Variants in AFG2A observed in about 807,000 individuals in gnomAD.
AFG2A encodes the protein ATPase family gene 2 protein homolog A.
At chr4:123,086,466 T>C in the AFG2A span, among the ~76,000 whole-genome samples, 1 of 152,192 alleles carries the variant, frequency 6.6e-6, no homozygotes. Flanking sequence ...TAAAAATCTT[T>C]GATTTTCTGC....
chr4:123,006,865 G>A, the AFG2A span, among the ~76,000 whole-genome samples: 68 of 150,552 alleles, frequency 4.5e-4, no homozygotes, highest in Admixed American at 7.3e-4. Context: ...TTCTCCTTAC[G>A]GGTATATTTT....
At chr4:123,236,569 A>G in the AFG2A span, among the ~76,000 whole-genome samples, 1 of 152,240 alleles carries the variant, frequency 6.6e-6, no homozygotes, top group East Asian at 1.9e-4. Context: ...AATTAAAATG[A>G]CAAAAATAGT....
the AFG2A span, among the ~76,000 whole-genome samples, chr4:122,981,890 ATC>A: frequency 6.6e-6 from 1 of 150,884 alleles, no homozygotes; most frequent in East Asian, 1.9e-4. Context: ...ATTGGTTTTA[ATC>A]TTTTTTTTTT....
chr4:123,006,062 A>T, the AFG2A span, among the ~76,000 whole-genome samples: 2 of 148,768 alleles, frequency 1.3e-5, no homozygotes, highest in East Asian at 1.9e-4. Context: ...GCTTACTTTA[A>T]CATTTCCTAT....
chr4:122,984,467 G>C, the AFG2A span, among the ~76,000 whole-genome samples: 5 of 152,046 alleles, frequency 3.3e-5, no homozygotes, highest in African/African-American at 1.2e-4. Context: ...GATTGCTCTG[G>C]CTAGGACTTC....
chr4:123,089,303 G>A, the AFG2A span, among the ~76,000 whole-genome samples: 1 of 152,136 alleles, frequency 6.6e-6, no homozygotes, highest in African/African-American at 2.4e-5. Flanking sequence ...ATTATACTGA[G>A]GTGTGTTTCT....
At chr4:123,171,288 G>C in the AFG2A span, among the ~76,000 whole-genome samples, 1 of 152,072 alleles carries the variant, frequency 6.6e-6, no homozygotes, top group Non-Finnish European at 1.5e-5. Flanking sequence ...CATTATGACT[G>C]TTTTTGTCAG....
chr4:123,311,497 C>T, the AFG2A span, among the ~76,000 whole-genome samples: 19 of 151,762 alleles, frequency 1.3e-4, no homozygotes, highest in Admixed American at 1.1e-3. Flanking sequence ...CGTGGTGGCA[C>T]GCGCCCGTAG....
the AFG2A span, among the ~76,000 whole-genome samples, chr4:123,262,450 C>T: frequency 6.6e-6 from 1 of 152,220 alleles, no homozygotes; most frequent in African/African-American, 2.4e-5. Context: ...GAAACCAGGT[C>T]TCTCAGTTCC....
chr4:122,968,608 T>A, the AFG2A span, among the ~76,000 whole-genome samples: 6 of 152,232 alleles, frequency 3.9e-5, no homozygotes, highest in African/African-American at 7.2e-5. Flanking sequence ...AATTCGATTG[T>A]TTAAGTATTA....
At chr4:123,204,721 G>A in the AFG2A span, among the ~76,000 whole-genome samples, 7 of 152,202 alleles carry the variant, frequency 4.6e-5, no homozygotes, top group South Asian at 1.5e-3. Flanking sequence ...ATATCTCATA[G>A]GGTTTTAAAG....
chr4:123,209,608 T>TTTTG, the AFG2A span, among the ~76,000 whole-genome samples: 4 of 149,110 alleles, frequency 2.7e-5, no homozygotes, highest in African/African-American at 9.9e-5. Flanking sequence ...TTTTTTTTTT[T>TTTTG]GAGATAGGTT....
At chr4:123,036,764 T>G in the AFG2A span, among the ~76,000 whole-genome samples, 1 of 152,070 alleles carries the variant, frequency 6.6e-6, no homozygotes, top group African/African-American at 2.4e-5. Context: ...AAGGATTGTA[T>G]TATACTTTAT....
chr4:122,987,079 C>CT, the AFG2A span, among the ~76,000 whole-genome samples: 10 of 152,012 alleles, frequency 6.6e-5, no homozygotes, highest in South Asian at 2.1e-4. Flanking sequence ...ATGACCTTGT[C>CT]TTTTTTTGAC....
chr4:123,252,799 G>A, the AFG2A span, among the ~76,000 whole-genome samples: 1 of 152,052 alleles, frequency 6.6e-6, no homozygotes, highest in African/African-American at 2.4e-5. Context: ...TCTTCCTCAG[G>A]TTGCAGTCAA....
chr4:122,968,896 AT>A, the AFG2A span, among the ~76,000 whole-genome samples: 1 of 151,952 alleles, frequency 6.6e-6, no homozygotes, highest in African/African-American at 2.4e-5. Flanking sequence ...TTATATTTGA[AT>A]TGACCATTTA....
the AFG2A span, among the ~76,000 whole-genome samples, chr4:123,024,146 T>C: frequency 2.7e-5 from 4 of 150,478 alleles, no homozygotes; most frequent in East Asian, 5.8e-4. Context: ...CAAAGAAGCA[T>C]TGGAAGAAGC....
At chr4:123,006,739 T>A in the AFG2A span, among the ~76,000 whole-genome samples, 1 of 152,162 alleles carries the variant, frequency 6.6e-6, no homozygotes, top group Admixed American at 6.5e-5. Context: ...CTTACTGTTT[T>A]CAATGTTTCC....
the AFG2A span, among the ~76,000 whole-genome samples, chr4:122,957,493 C>T: frequency 6.6e-6 from 1 of 152,164 alleles, no homozygotes; most frequent in Non-Finnish European, 1.5e-5. Context: ...ATAAGTGTAT[C>T]CCACTTATCG....
Sources: allele counts gnomAD v4.1 joint callset (sites outside exome capture counted in the v4.1 genomes callset), GRCh38; gene constraint gnomAD v4.1.1; transcripts MANE v1.5; gene names NCBI Gene and HGNC (gene_info 2026-07-23, HGNC 2026-07-21).